Variants in SEC14L1 observed in about 807,000 individuals in gnomAD.
The protein encoded by SEC14L1 is SEC14-like protein 1.
SEC14L1 carries 48 observed loss-of-function variants against 85.3 expected under a neutral mutation model. The ratio of observed to expected loss-of-function variants is 0.56; its 90% CI spans 0.45 to 0.72. The LOEUF (loss-of-function observed/expected upper bound fraction) is 0.72, where lower values mean the gene tolerates loss of function less well. SEC14L1 is among the 30% of genes least tolerant of loss of function. The pLI is 0.00. For missense variants in SEC14L1, 682 were observed against 921.4 expected, an observed-to-expected ratio of 0.74 and a Z score of 3.36; for synonymous variants, 391 against 355.5, an observed-to-expected ratio of 1.10 and a Z score of -1.12.
intron 3 of SEC14L1, among the ~76,000 whole-genome samples, chr17:77,112,499 C>G (rs1275030256): frequency 6.6e-6 from 1 of 152,092 alleles, no homozygotes; most frequent in Non-Finnish European, 1.5e-5. Context: ...TCTATATTGA[C>G]GTCTTTGCAA....
chr17:77,178,989 C>A (rs1472021342), intron 3 of SEC14L1, among the ~76,000 whole-genome samples: 1 of 152,188 alleles, frequency 6.6e-6, no homozygotes, highest in Non-Finnish European at 1.5e-5. Context: ...CTTGAAGAGC[C>A]ATGCTGTTTC....
rs1976985143 is a variant in SEC14L1, at chr17:77,215,346, C to G, written c.*1323C>G. 2 of 985,314 alleles carry G rather than the reference C, an allele frequency of 2.0e-6. No individual in the cohort carries two copies. The highest frequency in any genetic ancestry group is 1.7e-5 in the African/African-American group (1 of 57,188). 61.0% of individuals were successfully genotyped at this position (985,314 alleles called of 1,614,324 possible). A position where few individuals can be genotyped will look rare whatever the true frequency, so the allele number is the denominator to read the frequency against. On this transcript the variant is annotated 3_prime_UTR_variant, in exon 17 of 17. Coordinates refer to ENST00000436233, the MANE Select transcript of SEC14L1 (RefSeq NM_001143998.2). ...GGATGGCCTCCACGATAAGGACATG[C>G]AACACGTGTTTCTGTGTGCAGCAGA... is the stretch of plus-strand genomic sequence containing the variant.
intron 3 of SEC14L1, among the ~76,000 whole-genome samples, chr17:77,148,314 C>T (rs143218376): frequency 2.7e-3 from 417 of 152,126 alleles, no homozygotes; most frequent in African/African-American, 9.8e-3. Context: ...TGGTGACAGC[C>T]GCAGGCGAGA....
At chr17:77,104,265 A>G (rs1344475576) in intron 3 of SEC14L1, among the ~76,000 whole-genome samples, 1 of 150,470 alleles carries the variant, frequency 6.6e-6, no homozygotes, top group Non-Finnish European at 1.5e-5. Flanking sequence ...CTGGGATTAC[A>G]GGTGCCTGCC....
Position 77,214,252 on chromosome 17 carries a change from A to C in SEC14L1, c.*229A>C. ...GCCATAGATTTTGTATACGTTGTGC[A>C]CAAAATCCAACCAGAGCGCAAGGGC... On this transcript the variant is annotated 3_prime_UTR_variant, in exon 17 of 17. Transcript: ENST00000436233. The C allele has an allele frequency of 7.4e-7, 1 of 1,343,016 alleles. No individual in the cohort carries two copies. The highest frequency in any genetic ancestry group is 9.5e-7 in the Non-Finnish European group (1 of 1,049,132). 83.2% of individuals were successfully genotyped at this position (1,343,016 alleles called of 1,614,324 possible). A position where few individuals can be genotyped will look rare whatever the true frequency, so the allele number is the denominator to read the frequency against.
chr17:77,216,719 T>G lies in SEC14L1; in HGVS notation c.*2696T>G. 1 of 1,348,394 alleles carries G rather than the reference T, an allele frequency of 7.4e-7. No homozygotes were observed. The highest frequency in any genetic ancestry group is 2.3e-5 in the East Asian group (1 of 43,014). 83.5% of individuals were successfully genotyped at this position (1,348,394 alleles called of 1,614,324 possible). ...GTGGCATTCTTTTATACCCAAAGAC[T>G]GTAGTGCATCTTGAAGAGCTCAAAG... On this transcript the variant is annotated 3_prime_UTR_variant, in exon 17 of 17. Coordinates refer to ENST00000436233, the MANE Select transcript of SEC14L1 (RefSeq NM_001143998.2).
rs1399996246 is a variant in SEC14L1 at position 77,206,480 on chromosome 17, C to T, written c.1341+80C>T. 2.1e-6 allele frequency: 3 copies of T among 1,459,052 alleles called. No individual in the cohort carries two copies. Among genetic ancestry groups the T allele is most frequent in the Non-Finnish European group, 2.8e-6 (3 of 1,073,350 alleles). 90.4% of individuals were successfully genotyped at this position (1,459,052 alleles called of 1,614,324 possible). A position where few individuals can be genotyped will look rare whatever the true frequency, so the allele number is the denominator to read the frequency against. The stretch of plus-strand genomic sequence containing the variant: ...TGCATTCATATACACGTGTCTGTGA[C>T]CTAAAGTCTTAACTTCTTAGGAAAA... On this transcript the variant is annotated intron_variant, in intron 12 of 16. Coordinates refer to ENST00000436233, the MANE Select transcript of SEC14L1 (RefSeq NM_001143998.2). This position sits in a 1 kb window ranked among gnomAD's most constrained non-coding sequence, Gnocchi z 4.3.
intron 3 of SEC14L1, among the ~76,000 whole-genome samples, chr17:77,162,770 C>T (rs983852880): frequency 6.7e-5 from 10 of 150,346 alleles, no homozygotes; most frequent in Non-Finnish European, 1.2e-4. Context: ...GTGGAGGTGT[C>T]GGTGAGCCGA....
chr17:77,135,556 G>A (rs537920039), intron 3 of SEC14L1, among the ~76,000 whole-genome samples: 13 of 151,434 alleles, frequency 8.6e-5, no homozygotes, highest in African/African-American at 2.9e-4. Context: ...AGACAGTGTT[G>A]CTCTGTCTCT....
intron 3 of SEC14L1, among the ~76,000 whole-genome samples, chr17:77,129,085 C>T (rs1972537807): frequency 6.6e-6 from 1 of 152,130 alleles, no homozygotes; most frequent in Admixed American, 6.5e-5. Flanking sequence ...ATGTTGCTGG[C>T]AACCAACTAG....
At chr17:77,180,607 T>C (rs939382284) in intron 3 of SEC14L1, among the ~76,000 whole-genome samples, 4 of 152,176 alleles carry the variant, frequency 2.6e-5, no homozygotes, top group Non-Finnish European at 5.9e-5. Flanking sequence ...TTTATCTCAC[T>C]GAAGACTGGT....
rs760669863 is a variant in SEC14L1, at chr17:77,191,230, C to T, written c.263C>T (p.Ser88Phe). ...VYFVQKNSLN[S>F]RERTLHIEAY... The stretch of plus-strand genomic sequence containing the variant: ...TTTGTCCAGAAAAACTCACTGAATT[C>T]TCGGGAACGTACTTTGCACATTGAG... Residue 88 changes from serine to phenylalanine, a missense_variant, in exon 5 of 17, where the codon TCT (serine) becomes TTT (phenylalanine). Ser to Phe is a radical substitution (Grantham distance 155, BLOSUM62 -2). Coordinates refer to ENST00000436233, the MANE Select transcript of SEC14L1 (RefSeq NM_001143998.2). 6.2e-6 allele frequency: 10 copies of T among 1,613,176 alleles called. No individual in the cohort carries two copies. Among genetic ancestry groups the T allele is most frequent in the African/African-American group, 2.7e-5 (2 of 74,780 alleles).
chr17:77,150,969 C>G (rs1371688835), intron 3 of SEC14L1, among the ~76,000 whole-genome samples: 1 of 152,204 alleles, frequency 6.6e-6, no homozygotes, highest in Non-Finnish European at 1.5e-5. Context: ...TTCTTTCTCT[C>G]ATCCTGGATT....
At chr17:77,124,250 G>C (rs1972378313) in intron 3 of SEC14L1, among the ~76,000 whole-genome samples, 1 of 152,206 alleles carries the variant, frequency 6.6e-6, no homozygotes, top group South Asian at 2.1e-4. Context: ...TATAGTCTCA[G>C]CTACTTGGGG....
In SEC14L1 at chr17:77,196,309, A is replaced by G. The variant is rs940487037; in HGVS notation, c.817A>G (p.Lys273Glu). 1 of 1,598,522 alleles carries G rather than the reference A, an allele frequency of 6.3e-7. No homozygotes were observed. The highest frequency in any genetic ancestry group is 1.3e-5 in the African/African-American group (1 of 74,564). The change falls in exon 8 of 17, where the codon AAA (lysine) becomes GAA (glutamate). Residue 273 changes from lysine to glutamate, a missense_variant and splice_region_variant. By Grantham distance (56) the Lys-to-Glu change is moderately conservative (BLOSUM62 1). Coordinates refer to ENST00000436233, the MANE Select transcript of SEC14L1 (RefSeq NM_001143998.2). The part of the protein sequence containing the change: ...RQWLQETHKG[K>E]IPKDEHILRF... ...GTGGCTCCAGGAGACCCACAAGGGCAAAGTGAGTGTCAGCACCACACCCAG... is the reference window on the plus strand; with the variant it reads ...GTGGCTCCAGGAGACCCACAAGGGCGAAGTGAGTGTCAGCACCACACCCAG...
intron 3 of SEC14L1, among the ~76,000 whole-genome samples, chr17:77,188,222 G>A (rs558820717): frequency 1.3e-5 from 2 of 152,156 alleles, no homozygotes; most frequent in African/African-American, 4.8e-5. Flanking sequence ...GGATGCTGCC[G>A]TGCGCATAGT....
intron 3 of SEC14L1, among the ~76,000 whole-genome samples, chr17:77,180,000 A>ATTTTG (rs1012618456): frequency 7.4e-6 from 1 of 134,558 alleles, no homozygotes; most frequent in Non-Finnish European, 1.7e-5. Flanking sequence ...TTAGGTTTTT[A>ATTTTG]TTTTGTTTTG....
chr17:77,212,073 C>T lies in SEC14L1; in HGVS notation c.1735C>T (p.Leu579=), dbSNP rs202004767. The part of the protein sequence containing the change: ...RSPQPPKKDS[L]GAHSITSPGG... ...GCCACAACCACCCAAAAAGGACTCC[C>T]TGGGAGCCCACAGCATCACCTCTCC... The change falls in exon 15 of 17, where the codon CTG becomes TTG. Residue 579 remains leucine, a synonymous_variant. Transcript: ENST00000436233. 25 of 1,614,020 alleles carry T rather than the reference C, an allele frequency of 1.5e-5. No individual in the cohort carries two copies. The highest frequency in any genetic ancestry group is 2.1e-5 in the Non-Finnish European group (25 of 1,180,032).
At chr17:77,151,895 C>T (rs1973576966) in intron 3 of SEC14L1, among the ~76,000 whole-genome samples, 1 of 152,108 alleles carries the variant, frequency 6.6e-6, no homozygotes, top group African/African-American at 2.4e-5. Flanking sequence ...TTTTTTCTTT[C>T]CTGGTGTATT....
Sources: gnomAD v4.1 joint callset for allele counts (sites outside exome capture counted in the v4.1 genomes callset) on GRCh38, gnomAD v4.1.1 for gene constraint, Gnocchi (gnomAD v3.1) non-coding constraint, MANE v1.5 for transcripts, NCBI Gene and HGNC (gene_info 2026-07-23, HGNC 2026-07-21) for gene names.